The following EHBP1 variants were observed in gnomAD, a reference collection of about 807,000 sequenced individuals.
EHBP1 encodes EH domain-binding protein 1.
EHBP1 carries 55 observed loss-of-function variants against 144.0 expected under a neutral mutation model. The observed-to-expected ratio is 0.38, with a 90% confidence interval of 0.31 to 0.48. The LOEUF is 0.48. EHBP1 is among the 20% of genes least tolerant of loss of function. The pLI, the probability that EHBP1 is intolerant of heterozygous loss-of-function variation, is 0.98. For synonymous variants in EHBP1, 469 were observed against 472.7 expected, an observed-to-expected ratio of 0.99 and a Z score of 0.10; for missense variants, 1,200 against 1,364.2, an observed-to-expected ratio of 0.88 and a Z score of 1.90.
In EHBP1 at chr2:62,880,636, G is replaced by T. The variant is rs142155028; in HGVS notation, c.1185+6104G>T. The stretch of plus-strand genomic sequence containing the variant: ...AAAAGAATACATACATGTGGCCATC[G>T]AGTATATGAGAAAAAATGCTCAACA... On this transcript the variant is annotated intron_variant, in intron 10 of 22. Transcript: ENST00000431489. 1.6e-3 allele frequency among the ~76,000 whole-genome samples: 241 copies of T among 152,080 alleles called. 6 individuals are homozygous for T. The highest frequency in any genetic ancestry group is 0.014 in the Admixed American group (221 of 15,290).
intron 5 of EHBP1, among the ~76,000 whole-genome samples, chr2:62,784,241 A>G (rs1037632851): frequency 7.9e-5 from 12 of 152,162 alleles, no homozygotes; most frequent in African/African-American, 2.9e-4. Flanking sequence ...ACCTCTTTTG[A>G]TATTTTCCAA....
intron 6 of EHBP1, among the ~76,000 whole-genome samples, chr2:62,829,560 G>A (rs2046630452): frequency 7.5e-6 from 1 of 132,730 alleles, no homozygotes. Flanking sequence ...AAGGCTGAGT[G>A]GTGTTCTATG....
intron 1 of EHBP1, among the ~76,000 whole-genome samples, chr2:62,693,432 C>T (rs941800110): frequency 6.6e-6 from 1 of 152,022 alleles, no homozygotes; most frequent in Non-Finnish European, 1.5e-5. Context: ...ATACAAGTAC[C>T]TTATCAGATA....
intron 2 of EHBP1, among the ~76,000 whole-genome samples, chr2:62,740,611 A>T (rs2038614108): frequency 6.6e-6 from 1 of 152,208 alleles, no homozygotes. Context: ...TAAAAGAAAT[A>T]ACCTTATTAG....
chr2:62,687,646 T>C (rs190667769), intron 1 of EHBP1, among the ~76,000 whole-genome samples: 86 of 152,322 alleles, frequency 5.6e-4, no homozygotes, highest in Middle Eastern at 3.4e-3. Flanking sequence ...TCCCAATTTT[T>C]TTTGTGGATT....
intron 9 of EHBP1, among the ~76,000 whole-genome samples, 157 bp from the exon 10 acceptor site, chr2:62,874,189 A>T (rs1487789775): frequency 6.6e-6 from 1 of 152,230 alleles, no homozygotes; most frequent in Admixed American, 6.5e-5. Flanking sequence ...GAAATGGACC[A>T]AAAGATTAAT....
intron 9 of EHBP1, among the ~76,000 whole-genome samples, chr2:62,870,733 A>G (rs1003793906): frequency 6.8e-6 from 1 of 147,898 alleles, no homozygotes; most frequent in Admixed American, 6.7e-5. Flanking sequence ...AAAAAAAAAA[A>G]AATACATATA....
chr2:62,937,134 G>C lies in EHBP1; in HGVS notation c.1186-5584G>C, dbSNP rs550388679. ...AATCAACTAATTAAACATATAGAGGGCAGCGATCTAACCTCTGAAGACAAT... is the reference window on the plus strand; with the variant it reads ...AATCAACTAATTAAACATATAGAGGCCAGCGATCTAACCTCTGAAGACAAT... On this transcript the variant is annotated intron_variant, in intron 10 of 22. Coordinates refer to ENST00000431489, the MANE Select transcript of EHBP1 (RefSeq NM_001142616.3). Among the ~76,000 whole-genome samples, 87 of 152,306 alleles carry C rather than the reference G, an allele frequency of 5.7e-4. 1 individual carries two copies. Among genetic ancestry groups the C allele is most frequent in the Non-Finnish European group, 1.2e-3 (83 of 68,022 alleles).
intron 9 of EHBP1, among the ~76,000 whole-genome samples, chr2:62,866,848 T>C (rs747018137): frequency 5.9e-5 from 9 of 151,880 alleles, no homozygotes; most frequent in Non-Finnish European, 1.2e-4. Flanking sequence ...AATTTAAAAA[T>C]ATAAACAAAC....
chr2:62,850,299 A>G (rs1306598012), intron 7 of EHBP1, among the ~76,000 whole-genome samples: 2 of 152,174 alleles, frequency 1.3e-5, no homozygotes, highest in Admixed American at 6.5e-5. Context: ...AGCCTACAGG[A>G]AGTTTTTTTT....
At chr2:62,854,523 C>A (rs1378070214) in intron 7 of EHBP1, among the ~76,000 whole-genome samples, 1 of 152,148 alleles carries the variant, frequency 6.6e-6, no homozygotes, top group African/African-American at 2.4e-5. Flanking sequence ...CAGGGTTTAA[C>A]TGGCCTAGTT....
At chr2:62,967,991 G>C (rs2058323797) in intron 14 of EHBP1, among the ~76,000 whole-genome samples, 1 of 151,994 alleles carries the variant, frequency 6.6e-6, no homozygotes, top group Non-Finnish European at 1.5e-5. Flanking sequence ...TTATAGTATA[G>C]CTTTTGAGAG....
At chr2:63,028,006 T>C (rs1019792130) in intron 19 of EHBP1, among the ~76,000 whole-genome samples, 5 of 152,132 alleles carry the variant, frequency 3.3e-5, no homozygotes, top group African/African-American at 1.2e-4. Context: ...CAAGCGATCC[T>C]CCTGTCTTGG....
chr2:62,839,956 A>G (rs1482723565), intron 7 of EHBP1, among the ~76,000 whole-genome samples: 1 of 152,156 alleles, frequency 6.6e-6, no homozygotes, highest in Non-Finnish European at 1.5e-5. Context: ...TCAAGGTACC[A>G]ATGACTTTCT....
intron 21 of EHBP1, among the ~76,000 whole-genome samples, chr2:63,043,283 T>G (rs1418053185): frequency 6.6e-6 from 1 of 152,194 alleles, no homozygotes; most frequent in Non-Finnish European, 1.5e-5. Flanking sequence ...TGGCTGCTCT[T>G]CAATTTTGCT....
intron 5 of EHBP1, among the ~76,000 whole-genome samples, chr2:62,807,219 T>C (rs1052979957): frequency 6.6e-6 from 1 of 152,234 alleles, no homozygotes; most frequent in Non-Finnish European, 1.5e-5. Flanking sequence ...CAATTACTAC[T>C]TTACACAAAC....
chr2:62,935,344 A>AATATAT (rs57574909), intron 10 of EHBP1, among the ~76,000 whole-genome samples: 3,376 of 121,214 alleles, frequency 0.028, 67 homozygotes, highest in Non-Finnish European at 0.042. Flanking sequence ...AAAAAAAAAA[A>AATATAT]ATATATATAT....
intron 5 of EHBP1, among the ~76,000 whole-genome samples, chr2:62,821,483 G>A (rs34058424): frequency 0.019 from 2,965 of 152,214 alleles, 39 homozygotes; most frequent in Non-Finnish European, 0.03. Flanking sequence ...GAACCCAGGA[G>A]TTCAAGACTA....
At chr2:62,750,978 T>C (rs940493770) in intron 3 of EHBP1, among the ~76,000 whole-genome samples, 6 of 152,152 alleles carry the variant, frequency 3.9e-5, no homozygotes, top group Non-Finnish European at 5.9e-5. Context: ...CCTTTATTTC[T>C]TTCTCTTGCC....
Sources: gnomAD v4.1 joint callset for allele counts (sites outside exome capture counted in the v4.1 genomes callset) on GRCh38, gnomAD v4.1.1 for gene constraint, MANE v1.5 for transcripts, NCBI Gene and HGNC (gene_info 2026-07-23, HGNC 2026-07-21) for gene names.